The following LRRC37A2 variants were observed in gnomAD, a reference collection of about 807,000 sequenced individuals.
LRRC37A2 encodes the protein leucine rich repeat containing 37 member A2, also known as leucine-rich repeat-containing protein 37A2.
LRRC37A2 carries 9 observed loss-of-function variants against 68.8 expected under a neutral mutation model. The observed-to-expected ratio is 0.13, with a 90% CI of 0.08 to 0.23. The LOEUF (loss-of-function observed/expected upper bound fraction) is 0.23. LRRC37A2 is among the 10% of genes least tolerant of loss of function. The pLI, the probability that LRRC37A2 is intolerant of heterozygous loss-of-function variation, is 1.00. For missense variants in LRRC37A2, 168 were observed against 950.4 expected, an observed-to-expected ratio of 0.18 and a Z score of 10.82; for synonymous variants, 63 against 367.6, an observed-to-expected ratio of 0.17 and a Z score of 9.48.
chr17:46,740,515 C>G, the LRRC37A2 span, among the ~76,000 whole-genome samples: 27 of 152,232 alleles, frequency 1.8e-4, no homozygotes, highest in African/African-American at 6.5e-4. Flanking sequence ...TAGGGAAAAT[C>G]TACTGTGGAT....
At chr17:46,923,688 T>C in the LRRC37A2 span, 32 of 742,472 alleles carry the variant, frequency 4.3e-5, no homozygotes, top group Non-Finnish European at 5.9e-5. Flanking sequence ...GACCACATTT[T>C]TATGGTACAA....
the LRRC37A2 span, among the ~76,000 whole-genome samples, chr17:46,862,830 C>T: frequency 3.3e-5 from 5 of 152,150 alleles, no homozygotes; most frequent in South Asian, 4.1e-4. Context: ...GTGATCCGCC[C>T]GCCTCGGCCT....
the LRRC37A2 span, among the ~76,000 whole-genome samples, chr17:46,887,241 T>G: frequency 6.6e-6 from 1 of 152,208 alleles, no homozygotes; most frequent in African/African-American, 2.4e-5. Context: ...GGGATACTGT[T>G]TATGTTCCCA....
the LRRC37A2 span, among the ~76,000 whole-genome samples, chr17:46,789,283 A>G: frequency 6.6e-6 from 1 of 152,096 alleles, no homozygotes; most frequent in Admixed American, 6.6e-5. Flanking sequence ...CCACTCTCTT[A>G]TTCTATGCTC....
the LRRC37A2 span, among the ~76,000 whole-genome samples, chr17:46,991,905 C>G: frequency 6.6e-6 from 1 of 152,224 alleles, no homozygotes; most frequent in African/African-American, 2.4e-5. Context: ...AACTTGTGAC[C>G]TGCAAAGGCC....
the LRRC37A2 span, among the ~76,000 whole-genome samples, chr17:46,907,635 A>G: frequency 6.8e-6 from 1 of 147,178 alleles, no homozygotes; most frequent in East Asian, 2.0e-4. Context: ...TCAGGAGTTC[A>G]ATACCAGCCT....
chr17:46,872,428 A>G, the LRRC37A2 span: 1 of 1,395,232 alleles, frequency 7.2e-7, no homozygotes. Flanking sequence ...AGGGCAGTAA[A>G]TGAAGCCCCT....
At chr17:46,730,617 A>G in the LRRC37A2 span, among the ~76,000 whole-genome samples, 3 of 152,310 alleles carry the variant, frequency 2.0e-5, no homozygotes, top group South Asian at 2.1e-4. Context: ...CTCACAGCCA[A>G]TGGCATAGAG....
chr17:47,037,102 C>A, the LRRC37A2 span, among the ~76,000 whole-genome samples: 322 of 140,592 alleles, frequency 2.3e-3, 1 homozygote, highest in Non-Finnish European at 3.2e-3. Context: ...CCAGCCTGGA[C>A]AACATGGTGA....
At chr17:46,492,778 C>T in the LRRC37A2 span, among the ~76,000 whole-genome samples, 1 of 148,342 alleles carries the variant, frequency 6.7e-6, no homozygotes. Flanking sequence ...ACTGCAAGCT[C>T]CGCCTCCCGG....
At chr17:46,676,013 A>C in the LRRC37A2 span, among the ~76,000 whole-genome samples, 1 of 136,072 alleles carries the variant, frequency 7.3e-6, no homozygotes, top group Non-Finnish European at 1.5e-5. Flanking sequence ...TTGGTTTCAT[A>C]ATGTATGGGT....
chr17:46,804,840 A>G, the LRRC37A2 span, among the ~76,000 whole-genome samples: 2 of 152,208 alleles, frequency 1.3e-5, no homozygotes, highest in Non-Finnish European at 2.9e-5. Context: ...AAAATGGACC[A>G]ATCAGCACTC....
chr17:46,535,017 C>T (rs62073322), intron 6 of LRRC37A2, among the ~76,000 whole-genome samples: 13,507 of 140,542 alleles, frequency 0.096, 4 homozygotes, highest in Non-Finnish European at 0.15. Context: ...GGGTCGCGGC[C>T]GGGCAGAGGC....
chr17:46,733,446 A>G, the LRRC37A2 span, among the ~76,000 whole-genome samples: 1 of 152,134 alleles, frequency 6.6e-6, no homozygotes, highest in South Asian at 2.1e-4. Context: ...GTGTGAGAGT[A>G]GTTAAGCCTA....
the LRRC37A2 span, among the ~76,000 whole-genome samples, chr17:46,852,717 T>A: frequency 6.6e-6 from 1 of 152,066 alleles, no homozygotes; most frequent in Non-Finnish European, 1.5e-5. Flanking sequence ...TGCCTCCTTT[T>A]AAAATCTTCA....
At chr17:46,697,155 A>C in the LRRC37A2 span, among the ~76,000 whole-genome samples, 7 of 147,378 alleles carry the variant, frequency 4.7e-5, no homozygotes, top group Non-Finnish European at 8.9e-5. Context: ...AGAGTCTCCC[A>C]TAGTACCCCA....
chr17:46,761,927 T>TACCCAA, the LRRC37A2 span, among the ~76,000 whole-genome samples: 2 of 152,202 alleles, frequency 1.3e-5, no homozygotes, highest in Non-Finnish European at 2.9e-5. Context: ...AGGCCCTTTC[T>TACCCAA]ACCCAAACCC....
chr17:46,870,784 C>A, the LRRC37A2 span, among the ~76,000 whole-genome samples: 1 of 152,174 alleles, frequency 6.6e-6, no homozygotes, highest in African/African-American at 2.4e-5. Flanking sequence ...GGAACATGGG[C>A]TTCTCTGACC....
chr17:47,003,774 G>A, the LRRC37A2 span, among the ~76,000 whole-genome samples: 3 of 152,032 alleles, frequency 2.0e-5, no homozygotes, highest in Admixed American at 2.0e-4. Flanking sequence ...ACAATGTGCA[G>A]GTTTGTTACA....
Sources: allele counts gnomAD v4.1 joint callset (sites outside exome capture counted in the v4.1 genomes callset), GRCh38; gene constraint gnomAD v4.1.1; transcripts MANE v1.5; gene names NCBI Gene and HGNC (gene_info 2026-07-23, HGNC 2026-07-21).